Variants in ERBB4 observed in about 807,000 individuals in gnomAD.
ERBB4 encodes the protein erb-b2 receptor tyrosine kinase 4, also known as receptor tyrosine-protein kinase erbB-4.
ERBB4 carries 42 observed loss-of-function variants against 158.0 expected under a neutral mutation model. That is an observed-to-expected ratio of 0.27 (90% CI 0.21 to 0.34). The LOEUF is 0.34. ERBB4 is among the 10% of genes least tolerant of loss of function. The probability of loss-of-function intolerance (pLI) is 1.00; values close to 1 mark genes in which losing one functional copy is unlikely to be tolerated. For synonymous variants in ERBB4, 583 were observed against 558.7 expected, an observed-to-expected ratio of 1.04 and a Z score of -0.61; for missense variants, 1,333 against 1,624.1, an observed-to-expected ratio of 0.82 and a Z score of 3.08.
At chr2:212,130,991 A>G (rs2080090807) in intron 1 of ERBB4, among the ~76,000 whole-genome samples, 2 of 152,204 alleles carry the variant, frequency 1.3e-5, no homozygotes, top group African/African-American at 4.8e-5. Context: ...ATTTATGCAT[A>G]TTGTTGGGCA....
intron 16 of ERBB4, among the ~76,000 whole-genome samples, chr2:211,640,511 T>G (rs964350047): frequency 6.6e-6 from 1 of 152,214 alleles, no homozygotes; most frequent in Admixed American, 6.5e-5. Flanking sequence ...ACTCTTCCAA[T>G]ATAATTGATT....
chr2:211,494,038 C>A (rs550861833), intron 20 of ERBB4, among the ~76,000 whole-genome samples: 4 of 152,062 alleles, frequency 2.6e-5, no homozygotes, highest in African/African-American at 9.7e-5. Flanking sequence ...CCCAACATAG[C>A]GTTGCCCAGG....
At chr2:211,541,646 T>C (rs954175214) in intron 20 of ERBB4, among the ~76,000 whole-genome samples, 1 of 152,068 alleles carries the variant, frequency 6.6e-6, no homozygotes, top group African/African-American at 2.4e-5. Flanking sequence ...CTTTATCCAA[T>C]GGAATAAATG....
chr2:211,547,639 T>G (rs553823650), intron 20 of ERBB4, among the ~76,000 whole-genome samples: 2 of 152,186 alleles, frequency 1.3e-5, no homozygotes, highest in African/African-American at 4.8e-5. Context: ...ACTGTGCTCC[T>G]AAAATCTGCT....
intron 12 of ERBB4, among the ~76,000 whole-genome samples, chr2:211,679,498 C>T (rs1559410917): frequency 6.6e-6 from 1 of 152,140 alleles, no homozygotes; most frequent in Non-Finnish European, 1.5e-5. Context: ...CCACACTTCT[C>T]TCAAGCCAAT....
At chr2:212,434,187 G>T (rs912093444) in intron 1 of ERBB4, among the ~76,000 whole-genome samples, 6 of 152,008 alleles carry the variant, frequency 3.9e-5, no homozygotes, top group Middle Eastern at 3.4e-3. Flanking sequence ...TGTGTCCTCT[G>T]GAGTTTTAGA....
intron 12 of ERBB4, among the ~76,000 whole-genome samples, chr2:211,690,506 G>A (rs571921091): frequency 6.6e-6 from 1 of 152,202 alleles, no homozygotes; most frequent in South Asian, 2.1e-4. Context: ...GCAGTTTCGG[G>A]TCAGGGAAAC....
At chr2:211,987,434 A>G (rs1190557001) in intron 2 of ERBB4, among the ~76,000 whole-genome samples, 1 of 152,080 alleles carries the variant, frequency 6.6e-6, no homozygotes, top group Non-Finnish European at 1.5e-5. Flanking sequence ...GGTCTTTTAA[A>G]AACAATGGAA....
At chr2:211,977,530 T>TAAA (rs1394107563) in intron 2 of ERBB4, among the ~76,000 whole-genome samples, 2 of 6,688 alleles carry the variant, frequency 3.0e-4, no homozygotes, top group Non-Finnish European at 2.9e-4. Flanking sequence ...GATATTGACT[T>TAAA]TAAAAAAAAA....
At position 211,757,231 on chromosome 2, in the gene ERBB4, A is replaced by AT. The variant is rs562504926; in HGVS notation, c.557-6528dup. Among the ~76,000 whole-genome samples, 3 of 152,232 alleles carry AT rather than the reference A, an allele frequency of 2.0e-5. No homozygotes were observed. In the South Asian group the frequency reaches 6.2e-4, roughly 32 times the overall value. ...ATTCCAGTCTCAATTCAATTTTCCT[A>AT]TCCTGCCTCTTAATTTGAAAACTAA... On this transcript the variant is annotated intron_variant, in intron 4 of 27. Coordinates refer to ENST00000342788, the MANE Select transcript of ERBB4 (RefSeq NM_005235.3).
intron 3 of ERBB4, among the ~76,000 whole-genome samples, chr2:211,893,142 T>G (rs1044450558): frequency 6.9e-6 from 1 of 145,398 alleles, no homozygotes; most frequent in Admixed American, 6.7e-5. Context: ...AGGCATCACA[T>G]TACCTGACTT....
intron 2 of ERBB4, among the ~76,000 whole-genome samples, chr2:212,065,254 T>G (rs960522613): frequency 7.2e-5 from 11 of 152,036 alleles, no homozygotes; most frequent in Non-Finnish European, 1.6e-4. Context: ...CTAGTATGAA[T>G]AGAAAATTAT....
chr2:211,909,848 AT>A (rs1158287858), intron 3 of ERBB4, among the ~76,000 whole-genome samples: 1 of 151,838 alleles, frequency 6.6e-6, no homozygotes, highest in Non-Finnish European at 1.5e-5. Flanking sequence ...AGAATGTCTA[AT>A]TTTATCTACT....
intron 1 of ERBB4, among the ~76,000 whole-genome samples, chr2:212,525,926 A>C (rs529794819): frequency 5.9e-5 from 9 of 152,116 alleles, no homozygotes; most frequent in Non-Finnish European, 1.3e-4. Flanking sequence ...TTGAATACCA[A>C]AAGTCCACTA....
intron 1 of ERBB4, among the ~76,000 whole-genome samples, chr2:212,243,505 C>G (rs1238200307): frequency 2.6e-5 from 4 of 152,134 alleles, no homozygotes; most frequent in African/African-American, 9.7e-5. Context: ...ACTGCAGCAT[C>G]ACTGCACAAA....
chr2:211,730,152 T>C (rs192187906), intron 5 of ERBB4, among the ~76,000 whole-genome samples: 1 of 151,988 alleles, frequency 6.6e-6, no homozygotes, highest in African/African-American at 2.4e-5. Flanking sequence ...TAATAAGAAC[T>C]ATGGCTTAAT....
intron 19 of ERBB4, among the ~76,000 whole-genome samples, chr2:211,567,064 C>G (rs1407412153): frequency 6.6e-6 from 1 of 152,180 alleles, no homozygotes; most frequent in Non-Finnish European, 1.5e-5. Context: ...GCAATAACAT[C>G]TAATAATTAT....
intron 3 of ERBB4, among the ~76,000 whole-genome samples, chr2:211,939,423 T>G (rs1459127027): frequency 6.6e-6 from 1 of 151,912 alleles, no homozygotes; most frequent in East Asian, 1.9e-4. Context: ...TGAAAGCAGT[T>G]TGCAAGGTGC....
intron 12 of ERBB4, among the ~76,000 whole-genome samples, chr2:211,684,641 C>A (rs999950739): frequency 6.6e-6 from 1 of 152,152 alleles, no homozygotes; most frequent in African/African-American, 2.4e-5. Flanking sequence ...CTATAGCTAA[C>A]TATTTGAACA....
Sources: allele counts gnomAD v4.1 joint callset (sites outside exome capture counted in the v4.1 genomes callset), GRCh38; gene constraint gnomAD v4.1.1; transcripts MANE v1.5; gene names NCBI Gene and HGNC (gene_info 2026-07-23, HGNC 2026-07-21).